Variants in DOCK5 observed in about 807,000 individuals in gnomAD.
DOCK5 encodes the protein dedicator of cytokinesis 5.
DOCK5 carries 142 observed loss-of-function variants against 251.8 expected under a neutral mutation model. The observed-to-expected ratio is 0.56, with a 90% confidence interval of 0.49 to 0.65. DOCK5 has a LOEUF of 0.65. Among genes scored for constraint, DOCK5 ranks in the 30% least tolerant of loss-of-function variants. The pLI is 0.00. For missense variants in DOCK5, 2,111 were observed against 2,312.3 expected, an observed-to-expected ratio of 0.91 and a Z score of 1.79; for synonymous variants, 842 against 835.5, an observed-to-expected ratio of 1.01 and a Z score of -0.13.
At position 25,408,149 on chromosome 8, in the gene DOCK5, T is replaced by C; in HGVS notation, c.5260T>C (p.Leu1754=). The C allele has an allele frequency of 6.3e-7, 1 of 1,580,004 alleles. No homozygotes were observed. The highest frequency in any genetic ancestry group is 8.6e-7 in the Non-Finnish European group (1 of 1,163,390). ...VIAEKAPEPD[L]MSPTRKAQRP... ...TGCAGAGAAAGCACCAGAACCCGAT[T>C]TGATGGTAAAAAACAGAAAAGAAAA... The change falls in exon 49 of 52, where the codon TTG becomes CTG. Residue 1754 remains leucine, a synonymous_variant. Coordinates refer to ENST00000276440, the MANE Select transcript of DOCK5 (RefSeq NM_024940.8).
chr8:25,401,937 A>C (rs1308211852), intron 47 of DOCK5, among the ~76,000 whole-genome samples: 2 of 152,186 alleles, frequency 1.3e-5, no homozygotes, highest in Non-Finnish European at 2.9e-5. Flanking sequence ...AGCTGCTTTC[A>C]TAATTGTTTT....
intron 18 of DOCK5, 72 bp from the exon 19 acceptor site, chr8:25,332,179 T>A (rs1805697664): frequency 8.6e-7 from 1 of 1,165,162 alleles, no homozygotes; most frequent in East Asian, 2.4e-5. Flanking sequence ...TTCTAGAGAA[T>A]TCTTTAGCTA....
Position 25,318,262 on chromosome 8 carries a change from T to A in DOCK5, c.1443+1131T>A, listed in dbSNP as rs866214489. Among the ~76,000 whole-genome samples the A allele has an allele frequency of 3.2e-4, 46 of 146,006 alleles. No individual in the cohort carries two copies. The Middle Eastern group carries it at 0.011, about 35-fold the overall frequency. On this transcript the variant is annotated intron_variant, in intron 14 of 51. Coordinates refer to ENST00000276440, the MANE Select transcript of DOCK5 (RefSeq NM_024940.8). ...GCCACCATGCTCGACTGATTTTTTTTATATTTTTAGTAGAGACGGGGTTTC... is the reference window on the plus strand; with the variant it reads ...GCCACCATGCTCGACTGATTTTTTTAATATTTTTAGTAGAGACGGGGTTTC...
intron 1 of DOCK5, among the ~76,000 whole-genome samples, chr8:25,235,799 CT>C (rs924321586): frequency 0.012 from 1,494 of 128,550 alleles, 5 homozygotes; most frequent in African/African-American, 0.033. Flanking sequence ...TTTTCTTTTC[CT>C]TTTTTTTTTT....
chr8:25,308,761 C>T (rs929984766), intron 11 of DOCK5, 22 bp from the exon 12 acceptor site: 3 of 1,612,422 alleles, frequency 1.9e-6, no homozygotes. Flanking sequence ...TCCCACCTTA[C>T]CTCTTATTTC....
intron 29 of DOCK5, among the ~76,000 whole-genome samples, chr8:25,363,696 A>T (rs541358755): frequency 6.6e-6 from 1 of 152,350 alleles, no homozygotes; most frequent in African/African-American, 2.4e-5. Flanking sequence ...CAAACTAACT[A>T]GTTGCTTCTG....
Position 25,382,724 on chromosome 8 carries a change from G to A in DOCK5, c.4077G>A (p.Gln1359=), listed in dbSNP as rs549500281. Residue 1359 remains glutamine (Q), a synonymous_variant, in exon 40 of 52, where the codon CAG becomes CAA. Transcript: ENST00000276440. The part of the protein sequence containing the change: ...YENIIKAMRP[Q]PEYFAVGYYG... ...ACATCATTAAGGCAATGAGGCCTCAGCCTGAATACTTTGCTGTTGGATACT... is the reference window on the plus strand; with the variant it reads ...ACATCATTAAGGCAATGAGGCCTCAACCTGAATACTTTGCTGTTGGATACT... 5 of 1,613,684 alleles carry A rather than the reference G, an allele frequency of 3.1e-6. No individual in the cohort carries two copies. The South Asian group carries it at 4.4e-5, about 14-fold the overall frequency.
rs143697439 is a variant in DOCK5 at position 25,225,437 on chromosome 8, T to A, written c.44-18237T>A. ...AAAAAGGAAGGAAATTCTGCCGTGG[T>A]GGCTCACGCCTGTAATCCCAGCACT... On this transcript the variant is annotated intron_variant, in intron 1 of 51. Coordinates refer to ENST00000276440, the MANE Select transcript of DOCK5 (RefSeq NM_024940.8). Among the ~76,000 whole-genome samples the A allele has an allele frequency of 1.9e-3, 287 of 152,340 alleles. 2 individuals carry two copies. The highest frequency in any genetic ancestry group is 6.5e-3 in the African/African-American group (272 of 41,576).
intron 4 of DOCK5, among the ~76,000 whole-genome samples, chr8:25,276,194 G>A (rs965866492): frequency 1.3e-5 from 2 of 152,112 alleles, no homozygotes; most frequent in African/African-American, 4.8e-5. Context: ...TCTGAGCCTT[G>A]GATGAATCAC....
rs71214555 is a variant in DOCK5, at chr8:25,197,750, A to AT, written c.43+12817dup. Among the ~76,000 whole-genome samples, 73 of 95,768 alleles carry AT rather than the reference A, an allele frequency of 7.6e-4. 2 individuals are homozygous for AT. In the South Asian group the frequency reaches 9.4e-3, roughly 12 times the overall value. 62.8% of individuals were successfully genotyped at this position (95,768 alleles called of 152,430 possible). On this transcript the variant is annotated intron_variant, in intron 1 of 51. Transcript: ENST00000276440. The stretch of plus-strand genomic sequence containing the variant: ...AGGTACATGCAACCATGCCAAGCTA[A>AT]TTTTTTTTTTTTTTTTTTGAGACGG...
chr8:25,289,843 CAA>C (rs748634426), intron 5 of DOCK5, among the ~76,000 whole-genome samples: 4 of 151,010 alleles, frequency 2.6e-5, no homozygotes, highest in South Asian at 4.2e-4. Context: ...ACTCCGTTTC[CAA>C]AAAAAAGAAA....
chr8:25,216,118 T>C (rs1371222465), intron 1 of DOCK5, among the ~76,000 whole-genome samples: 4 of 151,728 alleles, frequency 2.6e-5, no homozygotes, highest in African/African-American at 7.3e-5. Flanking sequence ...GTATACAATA[T>C]GTATGTATAC....
In DOCK5 at chr8:25,311,788, G is replaced by A. The variant is rs559308102; in HGVS notation, c.1318+1256G>A. Among the ~76,000 whole-genome samples, 10 of 151,838 alleles carry A rather than the reference G, an allele frequency of 6.6e-5. No individual in the cohort carries two copies. In the South Asian group the frequency reaches 1.9e-3, roughly 28 times the overall value. ...AATACAAAAATTAGCTGGGCGTGGT[G>A]GCTGGTGCCTGTAGTCCCAGCTACT... On this transcript the variant is annotated intron_variant, in intron 13 of 51. Transcript: ENST00000276440.
intron 3 of DOCK5, chr8:25,270,715 C>G: frequency 1.5e-6 from 1 of 649,338 alleles, no homozygotes; most frequent in Non-Finnish European, 2.8e-6. Context: ...TGTAAGGATC[C>G]TTTTGAACAT....
At chr8:25,407,902 T>A in intron 48 of DOCK5, 81 bp from the exon 49 acceptor site, 7 of 1,333,298 alleles carry the variant, frequency 5.3e-6, no homozygotes, top group African/African-American at 1.5e-5. Context: ...TAAAGAGTCA[T>A]AACTGCTGGT....
intron 1 of DOCK5, among the ~76,000 whole-genome samples, chr8:25,237,508 T>TC (rs1010196565): frequency 6.6e-6 from 1 of 152,218 alleles, no homozygotes; most frequent in African/African-American, 2.4e-5. Context: ...TCCCAGGACT[T>TC]CAGTTTTCTT....
chr8:25,264,943 G>A lies in DOCK5; in HGVS notation c.128-3902G>A, dbSNP rs147304425. On this transcript the variant is annotated intron_variant, in intron 2 of 51. Transcript: ENST00000276440. ...AATTTCTCCATGGCATATAATACCT[G>A]TGTCTGATAATTAATCTTGGCTACA... Among the ~76,000 whole-genome samples, 32 of 152,128 alleles carry A rather than the reference G, an allele frequency of 2.1e-4. 1 individual carries two copies. Among genetic ancestry groups the A allele is most frequent in the African/African-American group, 6.5e-4 (27 of 41,376 alleles).
chr8:25,199,347 G>A (rs1370687576), intron 1 of DOCK5, among the ~76,000 whole-genome samples: 1 of 150,056 alleles, frequency 6.7e-6, no homozygotes, highest in Non-Finnish European at 1.5e-5. Flanking sequence ...GTGAGTAAGC[G>A]CCTTCTCCCT....
intron 6 of DOCK5, 56 bp from the exon 7 acceptor site, chr8:25,296,457 C>T (rs887682048): frequency 1.5e-5 from 24 of 1,569,872 alleles, no homozygotes; most frequent in Non-Finnish European, 2.0e-5. Context: ...AAGGACTCCT[C>T]AGTAAAAAGT....
Sources: allele counts gnomAD v4.1 joint callset (sites outside exome capture counted in the v4.1 genomes callset), GRCh38; gene constraint gnomAD v4.1.1; transcripts MANE v1.5; gene names NCBI Gene and HGNC (gene_info 2026-07-23, HGNC 2026-07-21).